The following L3MBTL4 variants were observed in gnomAD, a reference collection of about 807,000 sequenced individuals.
The protein encoded by L3MBTL4 is L3MBTL histone methyl-lysine binding protein 4.
In L3MBTL4, 70 loss-of-function variants were observed where a neutral mutation model predicts 84.5. That is an observed-to-expected ratio of 0.83 (90% CI 0.68 to 1.01). The LOEUF (loss-of-function observed/expected upper bound fraction) is 1.01. Among genes scored for constraint, L3MBTL4 ranks in the 50% least tolerant of loss-of-function variants. L3MBTL4 has a pLI of 0.00. For missense variants in L3MBTL4, 715 were observed against 754.8 expected, an observed-to-expected ratio of 0.95 and a Z score of 0.62; for synonymous variants, 274 against 259.8, an observed-to-expected ratio of 1.05 and a Z score of -0.52.
chr18:6,282,398 C>T (rs2049359840), intron 4 of L3MBTL4, among the ~76,000 whole-genome samples: 1 of 152,066 alleles, frequency 6.6e-6, no homozygotes, highest in Admixed American at 6.6e-5. Context: ...GCATGGAAGC[C>T]AGAGCTTTTA....
intron 12 of L3MBTL4, among the ~76,000 whole-genome samples, chr18:6,196,564 A>T (rs542123979): frequency 6.6e-6 from 1 of 152,288 alleles, no homozygotes; most frequent in African/African-American, 2.4e-5. Context: ...TTGAATATTC[A>T]CTAGAAAAGT....
chr18:6,178,822 C>T (rs1256170459), intron 12 of L3MBTL4, among the ~76,000 whole-genome samples: 1 of 152,200 alleles, frequency 6.6e-6, no homozygotes, highest in Non-Finnish European at 1.5e-5. Flanking sequence ...ACACTTCCAG[C>T]CGTCTGCACC....
chr18:6,371,071 A>C (rs2054140849), intron 1 of L3MBTL4, among the ~76,000 whole-genome samples: 1 of 152,134 alleles, frequency 6.6e-6, no homozygotes, highest in Non-Finnish European at 1.5e-5. Flanking sequence ...TTTAAAGTCC[A>C]GACTGTAAAT....
At chr18:6,072,880 AAATATATATAT>A (rs1272470880) in intron 16 of L3MBTL4, among the ~76,000 whole-genome samples, 1 of 43,244 alleles carries the variant, frequency 2.3e-5, no homozygotes, top group Non-Finnish European at 4.6e-5. Context: ...AAAAAAAAAA[AAATATATATAT>A]ATATATATAT....
rs575857313 is a variant in L3MBTL4 at position 6,222,057 on chromosome 18, A to C, written c.785-6222T>G. Among the ~76,000 whole-genome samples, 3 of 152,356 alleles carry C rather than the reference A, an allele frequency of 2.0e-5. No individual in the cohort carries two copies. In the East Asian group the frequency reaches 5.8e-4, roughly 29 times the overall value. On this transcript the variant is annotated intron_variant, in intron 10 of 18. Coordinates refer to ENST00000317931, the MANE Select transcript of L3MBTL4 (RefSeq NM_001330559.2). Reference sequence around the variant, plus strand: ...AGATGCTTCAATCGTGGCCAAGCCTAATTCAGGTTCACCCTTTATTGTTTC... The same window carrying C: ...AGATGCTTCAATCGTGGCCAAGCCTCATTCAGGTTCACCCTTTATTGTTTC...
chr18:6,217,966 T>C (rs1278814805), intron 10 of L3MBTL4, among the ~76,000 whole-genome samples: 1 of 152,214 alleles, frequency 6.6e-6, no homozygotes, highest in Non-Finnish European at 1.5e-5. Context: ...TTTTCACCAC[T>C]AGTTTTTTAA....
intron 10 of L3MBTL4, among the ~76,000 whole-genome samples, chr18:6,228,936 G>GA (rs1230894411): frequency 3.3e-5 from 5 of 152,126 alleles, no homozygotes; most frequent in African/African-American, 1.2e-4. Flanking sequence ...TGGAGAATGT[G>GA]AGAGTGACTT....
chr18:6,269,237 G>A (rs560664230), intron 4 of L3MBTL4, among the ~76,000 whole-genome samples: 11 of 152,214 alleles, frequency 7.2e-5, no homozygotes, highest in Admixed American at 5.9e-4. Context: ...TGAGGCGGGC[G>A]GATCACGAGG....
chr18:6,386,989 G>C (rs534966053), intron 1 of L3MBTL4, among the ~76,000 whole-genome samples: 43 of 152,290 alleles, frequency 2.8e-4, no homozygotes, highest in Admixed American at 5.2e-4. Flanking sequence ...TGGTGGCTTG[G>C]GGGTAGATGG....
chr18:6,371,587 A>G (rs987921392), intron 1 of L3MBTL4, among the ~76,000 whole-genome samples: 2 of 152,172 alleles, frequency 1.3e-5, no homozygotes, highest in East Asian at 1.9e-4. Flanking sequence ...ACCACAGAGC[A>G]TATCTTCCAA....
intron 14 of L3MBTL4, among the ~76,000 whole-genome samples, chr18:6,113,341 T>A (rs184703244): frequency 6.6e-6 from 1 of 151,250 alleles, no homozygotes; most frequent in Admixed American, 6.6e-5. Flanking sequence ...AACTGTGATA[T>A]AGAGGATAAC....
chr18:6,392,359 G>A (rs1326634525), intron 1 of L3MBTL4, among the ~76,000 whole-genome samples: 2 of 152,174 alleles, frequency 1.3e-5, no homozygotes, highest in Non-Finnish European at 2.9e-5. Context: ...GACCAGCCTG[G>A]CCAACATGGC....
At chr18:6,412,043 G>A (rs1000882772) in intron 1 of L3MBTL4, among the ~76,000 whole-genome samples, 1 of 151,946 alleles carries the variant, frequency 6.6e-6, no homozygotes, top group Non-Finnish European at 1.5e-5. Flanking sequence ...TGGTTACATA[G>A]GTAAACTTGT....
At chr18:5,999,638 C>T (rs986252370) in intron 16 of L3MBTL4, among the ~76,000 whole-genome samples, 1 of 152,256 alleles carries the variant, frequency 6.6e-6, no homozygotes, top group Non-Finnish European at 1.5e-5. Flanking sequence ...AAAGGAAACA[C>T]CATAAATTCC....
chr18:6,106,506 C>A (rs900135154), intron 14 of L3MBTL4, among the ~76,000 whole-genome samples: 5 of 152,166 alleles, frequency 3.3e-5, no homozygotes, highest in African/African-American at 1.2e-4. Context: ...AACAAAGGCA[C>A]ATTCTCTGCA....
At chr18:6,402,741 C>G (rs564177673) in intron 1 of L3MBTL4, among the ~76,000 whole-genome samples, 1 of 151,894 alleles carries the variant, frequency 6.6e-6, no homozygotes, top group Admixed American at 6.6e-5. Flanking sequence ...CATTTCAAGG[C>G]GGAAGTTTTA....
At chr18:6,027,567 G>C (rs970392526) in intron 16 of L3MBTL4, among the ~76,000 whole-genome samples, 12 of 152,210 alleles carry the variant, frequency 7.9e-5, no homozygotes, top group African/African-American at 2.9e-4. Flanking sequence ...TGGGATTGCT[G>C]GGTCAAATGG....
chr18:6,101,250 C>A (rs2058814854), intron 14 of L3MBTL4, among the ~76,000 whole-genome samples: 1 of 152,170 alleles, frequency 6.6e-6, no homozygotes, highest in African/African-American at 2.4e-5. Context: ...AAAGAAAACA[C>A]AGGGATCTCA....
intron 1 of L3MBTL4, among the ~76,000 whole-genome samples, chr18:6,400,651 A>G (rs971094585): frequency 9.2e-5 from 14 of 152,190 alleles, no homozygotes; most frequent in African/African-American, 3.1e-4. Flanking sequence ...GACTCAAGCA[A>G]TCTATCTGTC....
Sources: gnomAD v4.1 joint callset for allele counts (sites outside exome capture counted in the v4.1 genomes callset) on GRCh38, gnomAD v4.1.1 for gene constraint, MANE v1.5 for transcripts, NCBI Gene and HGNC (gene_info 2026-07-23, HGNC 2026-07-21) for gene names.